Variants in PHF14 observed in about 807,000 individuals in gnomAD.
The protein encoded by PHF14 is PHD finger protein 14.
Under a neutral mutation model 117.9 loss-of-function variants are expected in PHF14, and 55 were observed. The observed-to-expected ratio is 0.47, with a 90% confidence interval of 0.38 to 0.58. The LOEUF is 0.58. PHF14 is among the 20% of genes least tolerant of loss of function. The pLI is 0.00. For missense variants in PHF14, 978 were observed against 1,122.2 expected, an observed-to-expected ratio of 0.87 and a Z score of 1.84; for synonymous variants, 409 against 368.6, an observed-to-expected ratio of 1.11 and a Z score of -1.26.
At chr7:11,146,656 C>A (rs1238770602) in intron 17 of PHF14, among the ~76,000 whole-genome samples, 2 of 152,154 alleles carry the variant, frequency 1.3e-5, no homozygotes, top group African/African-American at 4.8e-5. Flanking sequence ...TACATTTTTA[C>A]AAAAGCATTT....
rs893644994 is a variant in PHF14 at position 11,130,725 on chromosome 7, A to G, written c.2772+19258A>G. Among the ~76,000 whole-genome samples, 3 of 151,896 alleles carry G rather than the reference A, an allele frequency of 2.0e-5. No homozygotes were observed. The highest frequency in any genetic ancestry group is 4.4e-5 in the Non-Finnish European group (3 of 67,906). ...TTATAACTTATTTTTTGTGTGGTAC[A>G]TTCTGTGGGTTTTGACAGTTGTAAT... On this transcript the variant is annotated intron_variant, in intron 17 of 17. Coordinates refer to ENST00000634607, the MANE Select transcript of PHF14 (RefSeq NM_001007157.2). This position sits in a 1 kb window ranked among gnomAD's most constrained non-coding sequence, Gnocchi z 4.2.
At chr7:11,122,083 C>G (rs1360382285) in intron 17 of PHF14, among the ~76,000 whole-genome samples, 4 of 151,536 alleles carry the variant, frequency 2.6e-5, no homozygotes, top group Non-Finnish European at 1.5e-5. Context: ...CATTATTCCA[C>G]TCTCACTTAT....
intron 14 of PHF14, among the ~76,000 whole-genome samples, chr7:11,060,271 T>C (rs1785174029): frequency 6.6e-6 from 1 of 152,200 alleles, no homozygotes; most frequent in Non-Finnish European, 1.5e-5. Context: ...AACAAGTTAA[T>C]TGAGTCTTTA....
chr7:11,037,019 T>C lies in PHF14; in HGVS notation c.1908T>C (p.Asn636=). The change falls in exon 10 of 18, where the codon AAT becomes AAC. Residue 636 remains asparagine, a synonymous_variant. Transcript: ENST00000634607. ...TGCGCATGATTCAAATTCAGGAAAA[T>C]ATGGCTGAACAAAAGAATATAAAAG... ...RNMRMIQIQE[N]MAEQKNIKDK... is the part of the protein sequence containing the mutation. 1 of 1,517,788 alleles carries C rather than the reference T, an allele frequency of 6.6e-7. No homozygotes were observed. Among genetic ancestry groups the C allele is most frequent in the Non-Finnish European group, 9.0e-7 (1 of 1,109,470 alleles). The allele number at this position is 1,517,788 out of a possible 1,614,324, so 94.0% of individuals were successfully genotyped here.
chr7:11,044,950 TTGAC>T (rs1784618427), intron 13 of PHF14, among the ~76,000 whole-genome samples: 1 of 152,196 alleles, frequency 6.6e-6, no homozygotes, highest in African/African-American at 2.4e-5. Context: ...AACATTTTCT[TTGAC>T]TGTAATGTCA....
intron 16 of PHF14, among the ~76,000 whole-genome samples, chr7:11,074,087 C>A (rs749211655): frequency 6.6e-6 from 1 of 152,192 alleles, no homozygotes; most frequent in African/African-American, 2.4e-5. Context: ...CGTTCAATGC[C>A]TTTCCCCCAT....
intron 16 of PHF14, chr7:11,103,246 T>C (rs1053679021): frequency 2.7e-5 from 24 of 903,564 alleles, no homozygotes; most frequent in Non-Finnish European, 2.9e-5. Flanking sequence ...AATAAAGATA[T>C]ATCTGTGTTG....
intron 17 of PHF14, among the ~76,000 whole-genome samples, chr7:11,122,722 C>A (rs1047050325): frequency 1.2e-4 from 19 of 152,062 alleles, no homozygotes. Flanking sequence ...ATGCCATTAA[C>A]AAATAAGGCA....
chr7:11,138,126 T>C (rs928159204), intron 17 of PHF14, among the ~76,000 whole-genome samples: 1 of 151,586 alleles, frequency 6.6e-6, no homozygotes, highest in African/African-American at 2.4e-5. Flanking sequence ...CTGCAGGCTC[T>C]GCCTCCTGGA....
In PHF14 at chr7:11,031,719, A is replaced by G. The variant is rs566677362; in HGVS notation, c.1455+2901A>G. ...CATTGAACTATGTTCTCACCACTGC[A>G]CTCAGCCTGGAGAATAGAGTGAGAC... is the stretch of plus-strand genomic sequence containing the variant. On this transcript the variant is annotated intron_variant, in intron 7 of 17. Transcript: ENST00000634607. 1.7e-3 allele frequency among the ~76,000 whole-genome samples: 254 copies of G among 152,198 alleles called. 2 individuals are homozygous for G. The highest frequency in any genetic ancestry group is 2.4e-4 in the Non-Finnish European group (16 of 68,006).
At chr7:11,152,494 A>G (rs1788729714) in intron 17 of PHF14, among the ~76,000 whole-genome samples, 1 of 152,136 alleles carries the variant, frequency 6.6e-6, no homozygotes, top group Non-Finnish European at 1.5e-5. Context: ...TATTCTGTAT[A>G]TAGGAAGTAC....
At chr7:11,101,913 A>G (rs987632123) in intron 16 of PHF14, among the ~76,000 whole-genome samples, 3 of 151,872 alleles carry the variant, frequency 2.0e-5, no homozygotes, top group Non-Finnish European at 4.4e-5. Flanking sequence ...AAAGGTAACA[A>G]ATAATTGTAA....
intron 17 of PHF14, among the ~76,000 whole-genome samples, chr7:11,128,031 T>G (rs1311203464): frequency 2.6e-5 from 4 of 152,122 alleles, no homozygotes; most frequent in Non-Finnish European, 5.9e-5. Flanking sequence ...AATGTGCACT[T>G]TTTAAAACCA....
chr7:11,011,644 C>T (rs2128315672), intron 4 of PHF14, among the ~76,000 whole-genome samples: 1 of 152,234 alleles, frequency 6.6e-6, no homozygotes, highest in African/African-American at 2.4e-5. Flanking sequence ...GAGAAATGCC[C>T]AAACCTAAAG....
chr7:11,104,076 T>C, intron 16 of PHF14: 1 of 984,916 alleles, frequency 1.0e-6, no homozygotes, highest in Non-Finnish European at 1.2e-6. Flanking sequence ...TGGCCCTCTT[T>C]TAATATTTAG....
chr7:11,135,868 C>T (rs866330824), intron 17 of PHF14, among the ~76,000 whole-genome samples: 1 of 152,124 alleles, frequency 6.6e-6, no homozygotes, highest in Non-Finnish European at 1.5e-5. Context: ...TGATTCAAAG[C>T]TTGTTTAAAG....
intron 11 of PHF14, among the ~76,000 whole-genome samples, chr7:11,039,863 T>G (rs1784443845): frequency 6.6e-6 from 1 of 152,160 alleles, no homozygotes; most frequent in African/African-American, 2.4e-5. Context: ...GGTTGATGGA[T>G]TTTTGGAAGA....
At chr7:11,123,582 C>A (rs1787835072) in intron 17 of PHF14, among the ~76,000 whole-genome samples, 1 of 152,094 alleles carries the variant, frequency 6.6e-6, no homozygotes, top group Non-Finnish European at 1.5e-5. Context: ...GAGTTCGAGA[C>A]CAGCCTAGTC....
At chr7:11,104,847 C>G (rs1347987753) in intron 16 of PHF14, 2 of 902,286 alleles carry the variant, frequency 2.2e-6, no homozygotes, top group African/African-American at 3.6e-5. Flanking sequence ...GCCTGGAACA[C>G]CACATTAAGA....
Sources: allele counts gnomAD v4.1 joint callset (sites outside exome capture counted in the v4.1 genomes callset), GRCh38; gene constraint gnomAD v4.1.1; non-coding constraint Gnocchi (gnomAD v3.1); transcripts MANE v1.5; gene names NCBI Gene and HGNC (gene_info 2026-07-23, HGNC 2026-07-21).